ANK2: variants seen among roughly 807,000 people sequenced by gnomAD.
ANK2 encodes ankyrin-2.
A neutral mutation model predicts 360.5 loss-of-function variants in ANK2; 83 were observed. That is an observed-to-expected ratio of 0.23 (90% CI 0.19 to 0.28). The LOEUF (loss-of-function observed/expected upper bound fraction) is 0.28, where lower values mean the gene tolerates loss of function less well. ANK2 is among the 10% of genes least tolerant of loss of function. ANK2 has a pLI of 1.00. For missense variants in ANK2, 4,201 were observed against 4,795.7 expected, an observed-to-expected ratio of 0.88 and a Z score of 3.66; for synonymous variants, 1,740 against 1,759.5, an observed-to-expected ratio of 0.99 and a Z score of 0.28.
At chr4:113,293,649 T>A in intron 22 of ANK2, 111 bp downstream of exon 22, 1 of 1,058,704 alleles carries the variant, frequency 9.4e-7, no homozygotes, top group South Asian at 1.3e-5. Flanking sequence ...AGTTTTGAAC[T>A]TCTTTTTGTT....
intron 2 of ANK2, among the ~76,000 whole-genome samples, chr4:112,952,329 C>T (rs1448851163): frequency 6.6e-6 from 1 of 152,168 alleles, no homozygotes; most frequent in South Asian, 2.1e-4. Context: ...TTTAATATAA[C>T]TTGTTTGACT....
At chr4:113,297,312 A>T (rs1261488534) in intron 22 of ANK2, among the ~76,000 whole-genome samples, 1 of 152,222 alleles carries the variant, frequency 6.6e-6, no homozygotes, top group Admixed American at 6.5e-5. Flanking sequence ...TTTCTTAAAA[A>T]GACATACTTA....
chr4:113,068,923 C>G (rs561678986), intron 1 of ANK2, among the ~76,000 whole-genome samples: 1 of 152,052 alleles, frequency 6.6e-6, no homozygotes, highest in South Asian at 2.1e-4. Context: ...ATTAGCTAGG[C>G]GTGGTGGTGC....
chr4:113,146,080 C>T (rs2096824548), intron 1 of ANK2: 3 of 1,252,236 alleles, frequency 2.4e-6, no homozygotes, highest in Non-Finnish European at 3.1e-6. Flanking sequence ...TTGGTCAGAC[C>T]TCTAAACTTC....
chr4:113,129,853 A>C (rs1206410266), intron 1 of ANK2, among the ~76,000 whole-genome samples: 3 of 152,178 alleles, frequency 2.0e-5, no homozygotes, highest in Admixed American at 2.0e-4. Flanking sequence ...TAATGAGTGG[A>C]AGTAGATTTT....
At chr4:112,972,791 T>C (rs2040005446) in intron 2 of ANK2, among the ~76,000 whole-genome samples, 1 of 151,164 alleles carries the variant, frequency 6.6e-6, no homozygotes, top group South Asian at 2.1e-4. Flanking sequence ...GACCAACGAG[T>C]GGATAAAGAA....
intron 1 of ANK2, chr4:113,145,836 G>A (rs982923863): frequency 9.3e-6 from 12 of 1,288,530 alleles, no homozygotes; most frequent in African/African-American, 6.1e-5. Flanking sequence ...GGGCAAGGAC[G>A]GGCCCACTGA....
At chr4:112,728,251 C>G in the ANK2 span, among the ~76,000 whole-genome samples, 2 of 139,324 alleles carry the variant, frequency 1.4e-5, no homozygotes, top group African/African-American at 5.4e-5. Flanking sequence ...CGAGATCGCG[C>G]CACTGCACTC....
At chr4:113,036,465 C>T (rs2061631073) in intron 2 of ANK2, among the ~76,000 whole-genome samples, 2 of 151,764 alleles carry the variant, frequency 1.3e-5, no homozygotes, top group South Asian at 2.1e-4. Flanking sequence ...GTGTGCTGAC[C>T]TTCAGCCATT....
At chr4:113,363,925 G>A (rs1175900474) in intron 40 of ANK2, among the ~76,000 whole-genome samples, 1 of 152,086 alleles carries the variant, frequency 6.6e-6, no homozygotes, top group Admixed American at 6.6e-5. Context: ...CTGAATAAGG[G>A]GATTGGGAAA....
At chr4:112,958,537 G>C (rs2032553588) in intron 2 of ANK2, among the ~76,000 whole-genome samples, 1 of 152,210 alleles carries the variant, frequency 6.6e-6, no homozygotes, top group Admixed American at 6.5e-5. Flanking sequence ...GAGCCGAGAT[G>C]GCAGCAGTAC....
At chr4:112,921,545 C>T (rs944051247) in intron 2 of ANK2, among the ~76,000 whole-genome samples, 1 of 152,074 alleles carries the variant, frequency 6.6e-6, no homozygotes, top group African/African-American at 2.4e-5. Flanking sequence ...GCAATCATAG[C>T]ACACTACAAC....
intron 2 of ANK2, among the ~76,000 whole-genome samples, chr4:113,033,289 A>G (rs141740712): frequency 1.0e-3 from 154 of 152,142 alleles, no homozygotes; most frequent in African/African-American, 3.6e-3. Context: ...TTTAGAAATT[A>G]AGACACTGCA....
chr4:112,940,265 G>T (rs2094108396), intron 2 of ANK2, among the ~76,000 whole-genome samples: 1 of 151,942 alleles, frequency 6.6e-6, no homozygotes, highest in Non-Finnish European at 1.5e-5. Flanking sequence ...TCTTAATTTT[G>T]CTATTAAGAA....
At chr4:112,754,113 A>G in the ANK2 span, among the ~76,000 whole-genome samples, 1 of 2,582 alleles carries the variant, frequency 3.9e-4, no homozygotes, top group Non-Finnish European at 7.6e-4. Flanking sequence ...AAAAAAAAGT[A>G]TATATATATA....
At position 113,359,157 on chromosome 4, in the gene ANK2, A is replaced by G. The variant is rs929675741; in HGVS notation, c.10539A>G (p.Val3513=). Residue 3513 remains valine, a synonymous_variant, in exon 38 of 46, where the codon GTA becomes GTG. Transcript: ENST00000357077. ...ATGAAAGTAGTAGTGCCCTGGAAGT[A>G]TCAGTAATTGAAAATCTGCCACCTG... is the stretch of plus-strand genomic sequence containing the variant. The part of the protein sequence containing the change: ...SDDESSSALE[V]SVIENLPPVE... 2 of 1,613,462 alleles carry G rather than the reference A, an allele frequency of 1.2e-6. No individual in the cohort carries two copies. The highest frequency in any genetic ancestry group is 1.7e-6 in the Non-Finnish European group (2 of 1,179,564).
At chr4:112,821,662 T>C (rs1196469278) in intron 1 of ANK2, among the ~76,000 whole-genome samples, 1 of 151,890 alleles carries the variant, frequency 6.6e-6, no homozygotes, top group Non-Finnish European at 1.5e-5. Context: ...ACCACTATGC[T>C]GTCTTCTACC....
chr4:112,976,932 C>T (rs955307200), intron 2 of ANK2, among the ~76,000 whole-genome samples: 4 of 152,172 alleles, frequency 2.6e-5, no homozygotes, highest in African/African-American at 4.8e-5. Flanking sequence ...TCTTTGCATC[C>T]CTAGCATCTA....
Position 113,382,065 on chromosome 4 carries a change from A to G in ANK2, c.*594A>G, listed in dbSNP as rs2097181675. ...AGATGAACAACATATTAAAATTAAA[A>G]CCACTGCCTATTGTAACTACACTGG... On this transcript the variant is annotated 3_prime_UTR_variant, in exon 46 of 46. Transcript: ENST00000357077. The G allele has an allele frequency of 5.3e-6, 1 of 187,408 alleles. No homozygotes were observed. Among genetic ancestry groups the G allele is most frequent in the Non-Finnish European group, 1.1e-5 (1 of 86,978 alleles). The allele number at this position is 187,408 out of a possible 1,614,324, so 11.6% of individuals were successfully genotyped here.
Sources: gnomAD v4.1 joint callset for allele counts (sites outside exome capture counted in the v4.1 genomes callset) on GRCh38, gnomAD v4.1.1 for gene constraint, MANE v1.5 for transcripts, NCBI Gene and HGNC (gene_info 2026-07-23, HGNC 2026-07-21) for gene names.